The following CNTNAP4 variants were observed in gnomAD, a reference collection of about 807,000 sequenced individuals.
CNTNAP4 encodes the protein contactin associated protein family member 4.
CNTNAP4 carries 98 observed loss-of-function variants against 148.4 expected under a neutral mutation model. That is an observed-to-expected ratio of 0.66 (90% CI 0.56 to 0.78). The LOEUF (loss-of-function observed/expected upper bound fraction) is 0.78. Among genes scored for constraint, CNTNAP4 ranks in the 30% least tolerant of loss-of-function variants. The pLI is 0.00. For synonymous variants in CNTNAP4, 730 were observed against 565.1 expected (o/e 1.29, Z -4.14); for missense variants, 1,935 against 1,565.6 (o/e 1.24, Z -3.98).
chr16:76,397,960 A>G (rs1031222424), intron 3 of CNTNAP4, among the ~76,000 whole-genome samples: 22 of 25,124 alleles, frequency 8.8e-4, no homozygotes, highest in Middle Eastern at 0.011. Context: ...ATATATATAT[A>G]TATATATATA....
rs182714059 is a variant in CNTNAP4 at position 76,553,506 on chromosome 16, C to T, written c.3661+5C>T. The T allele has an allele frequency of 1.5e-4, 232 of 1,595,108 alleles. 2 individuals carry two copies. The African/African-American group carries it at 2.8e-3, about 20-fold the overall frequency. ...AAAGGACACACTCGTTTGCAGGTGA[C>T]TTAGAGTTCTTCCTCTACTCAGTCA... On this transcript the variant is annotated splice_donor_5th_base_variant and intron_variant, in intron 22 of 23. Transcript: ENST00000611870.
chr16:76,333,916 C>A (rs1439731677), intron 2 of CNTNAP4, among the ~76,000 whole-genome samples: 1 of 151,208 alleles, frequency 6.6e-6, no homozygotes, highest in South Asian at 2.1e-4. Flanking sequence ...CTCTACAGCA[C>A]CTGTTGTTTC....
intron 15 of CNTNAP4, among the ~76,000 whole-genome samples, chr16:76,500,163 C>T (rs1032949131): frequency 2.0e-5 from 3 of 152,076 alleles, no homozygotes; most frequent in Non-Finnish European, 2.9e-5. Context: ...ACCTCCCAGA[C>T]GGGGTGGCAG....
At position 76,521,121 on chromosome 16, in the gene CNTNAP4, T is replaced by A; in HGVS notation, c.2366-19T>A. The A allele has an allele frequency of 6.4e-7, 1 of 1,551,572 alleles. No individual in the cohort carries two copies. Among genetic ancestry groups the A allele is most frequent in the African/African-American group, 1.4e-5 (1 of 71,238 alleles). On this transcript the variant is annotated intron_variant, in intron 15 of 23. Coordinates refer to ENST00000611870, the MANE Select transcript of CNTNAP4 (RefSeq NM_033401.5). ...TTTTCTTTCTGAATTTTTTTTTCTTTTTTTTTTTCACAAAACAGGATCATT... is the reference window on the plus strand; with the variant it reads ...TTTTCTTTCTGAATTTTTTTTTCTTATTTTTTTTCACAAAACAGGATCATT...
intron 14 of CNTNAP4, among the ~76,000 whole-genome samples, chr16:76,496,106 T>TGTGTGTGTGTGC (rs1257705029): frequency 1.3e-5 from 2 of 150,526 alleles, no homozygotes; most frequent in South Asian, 4.2e-4. Flanking sequence ...TGTGTGTGTG[T>TGTGTGTGTGTGC]GCGTGTATTT....
chr16:76,537,450 G>C (rs991792871), intron 18 of CNTNAP4, among the ~76,000 whole-genome samples: 5 of 92,896 alleles, frequency 5.4e-5, no homozygotes, highest in Non-Finnish European at 1.0e-4. Flanking sequence ...TTTGGTGTGT[G>C]TGTGTGAGAG....
intron 15 of CNTNAP4, among the ~76,000 whole-genome samples, chr16:76,504,492 A>T (rs527860637): frequency 3.9e-5 from 6 of 152,198 alleles, no homozygotes; most frequent in African/African-American, 1.4e-4. Context: ...ACTTAAATCT[A>T]AAACCACAAA....
intron 1 of CNTNAP4, among the ~76,000 whole-genome samples, chr16:76,303,021 C>A (rs1224366001): frequency 6.6e-6 from 1 of 152,186 alleles, no homozygotes; most frequent in Non-Finnish European, 1.5e-5. Flanking sequence ...TAATGCACAC[C>A]TACTCTGCCA....
At chr16:76,455,739 G>T (rs906853303) in intron 8 of CNTNAP4, among the ~76,000 whole-genome samples, 3 of 152,180 alleles carry the variant, frequency 2.0e-5, no homozygotes, top group Admixed American at 2.0e-4. Flanking sequence ...TTTCCCTGAG[G>T]AATGGCCTAG....
At chr16:76,485,808 G>C (rs2082006577) in intron 12 of CNTNAP4, among the ~76,000 whole-genome samples, 1 of 152,272 alleles carries the variant, frequency 6.6e-6, no homozygotes, top group East Asian at 1.9e-4. Flanking sequence ...ACAGCTATGA[G>C]GGTTAATACA....
intron 15 of CNTNAP4, among the ~76,000 whole-genome samples, chr16:76,517,630 GT>G (rs2083298578): frequency 1.3e-5 from 2 of 152,126 alleles, no homozygotes; most frequent in African/African-American, 2.4e-5. Context: ...AAAACAATGT[GT>G]TTTTTAAATA....
At chr16:76,427,671 G>T in intron 4 of CNTNAP4, 72 bp downstream of exon 4, 1 of 1,396,348 alleles carries the variant, frequency 7.2e-7, no homozygotes, top group South Asian at 1.5e-5. Context: ...ACTACAAACT[G>T]AAATGGACTT....
At chr16:76,473,213 G>A (rs1414218320) in intron 10 of CNTNAP4, among the ~76,000 whole-genome samples, 1 of 152,128 alleles carries the variant, frequency 6.6e-6, no homozygotes, top group Non-Finnish European at 1.5e-5. Context: ...GATATGAAGA[G>A]ATGCCCATTA....
chr16:76,342,325 T>C (rs1964531194), intron 2 of CNTNAP4, among the ~76,000 whole-genome samples: 1 of 152,148 alleles, frequency 6.6e-6, no homozygotes, highest in Non-Finnish European at 1.5e-5. Flanking sequence ...AACACAATAT[T>C]CTTCTTCTCA....
intron 17 of CNTNAP4, among the ~76,000 whole-genome samples, chr16:76,535,332 G>GA (rs552773783): frequency 2.0e-5 from 3 of 151,290 alleles, no homozygotes; most frequent in East Asian, 1.9e-4. Context: ...ATATTTTTTA[G>GA]AAAAAAAATG....
chr16:76,554,038 G>A lies in CNTNAP4; in HGVS notation c.3733+131G>A, dbSNP rs554356360. On this transcript the variant is annotated intron_variant, in intron 23 of 23. Transcript: ENST00000611870. ...CCAGGCACTGAATCCTGAGGTCATT[G>A]GGGTGATTTACTATTTGTACTGGAT... The A allele has an allele frequency of 2.3e-5, 13 of 562,366 alleles. No homozygotes were observed. In the Admixed American group the frequency reaches 3.6e-4, roughly 16 times the overall value. 34.8% of individuals were successfully genotyped at this position (562,366 alleles called of 1,614,324 possible).
Position 76,452,777 on chromosome 16 carries a change from A to G in CNTNAP4, c.1333+8A>G, listed in dbSNP as rs368744120. The G allele has an allele frequency of 5.2e-6, 8 of 1,550,774 alleles. No individual in the cohort carries two copies. The highest frequency in any genetic ancestry group is 4.5e-5 in the East Asian group (2 of 44,068). ...CCAGTGACATCACAGCAGGTAATAA[A>G]TGTATTCCCTGGGGCAAAGCATATG... On this transcript the variant is annotated splice_region_variant and intron_variant, in intron 8 of 23. Transcript: ENST00000611870.
chr16:76,501,925 C>T (rs1286102842), intron 15 of CNTNAP4, among the ~76,000 whole-genome samples: 4 of 151,996 alleles, frequency 2.6e-5, no homozygotes, highest in East Asian at 1.9e-4. Flanking sequence ...AAAAATTAGC[C>T]GGGCGTAGTG....
intron 3 of CNTNAP4, among the ~76,000 whole-genome samples, chr16:76,419,592 C>G (rs1449734852): frequency 6.6e-6 from 1 of 151,956 alleles, no homozygotes; most frequent in African/African-American, 2.4e-5. Flanking sequence ...GTGCCAGTGG[C>G]TTTTGTTCCA....
Sources: gnomAD v4.1 joint callset for allele counts (sites outside exome capture counted in the v4.1 genomes callset) on GRCh38, gnomAD v4.1.1 for gene constraint, MANE v1.5 for transcripts, NCBI Gene and HGNC (gene_info 2026-07-23, HGNC 2026-07-21) for gene names.